The following KIAA1549 variants were observed in gnomAD, a reference collection of about 807,000 sequenced individuals.
KIAA1549 encodes the protein KIAA1549.
A neutral mutation model predicts 156.4 loss-of-function variants in KIAA1549; 70 were observed. The observed-to-expected ratio is 0.45, with a 90% CI of 0.37 to 0.55. The LOEUF is 0.55. KIAA1549 is among the 20% of genes least tolerant of loss of function. KIAA1549 has a pLI of 0.00. For missense variants in KIAA1549, 2,428 were observed against 2,540.9 expected (o/e 0.96, Z 0.96); for synonymous variants, 1,103 against 1,066.4 (o/e 1.03, Z -0.67).
chr7:138,937,039 G>T (rs1354116461), intron 1 of KIAA1549, among the ~76,000 whole-genome samples: 2 of 152,098 alleles, frequency 1.3e-5, no homozygotes, highest in Non-Finnish European at 2.9e-5. Context: ...ATCCTCCAGT[G>T]GCTCTTAAAA....
At chr7:138,887,058 C>T (rs1020441901) in intron 10 of KIAA1549, among the ~76,000 whole-genome samples, 1 of 151,962 alleles carries the variant, frequency 6.6e-6, no homozygotes, top group African/African-American at 2.4e-5. Flanking sequence ...TGCACCACCA[C>T]GTCTGGCTAA....
intron 1 of KIAA1549, among the ~76,000 whole-genome samples, chr7:138,974,094 A>G (rs1814302598): frequency 6.6e-6 from 1 of 152,270 alleles, no homozygotes; most frequent in Non-Finnish European, 1.5e-5. Context: ...GGATCTGAAC[A>G]GACATTTCTC....
intron 7 of KIAA1549, 148 bp from the exon 8 acceptor site, chr7:138,903,884 AAATT>A (rs1811933866): frequency 2.7e-6 from 2 of 735,712 alleles, no homozygotes; most frequent in African/African-American, 3.6e-5. Context: ...TATGTATTTG[AAATT>A]AATGCAAGAT....
At chr7:138,888,613 A>C (rs1321046887) in intron 10 of KIAA1549, among the ~76,000 whole-genome samples, 1 of 152,208 alleles carries the variant, frequency 6.6e-6, no homozygotes, top group Admixed American at 6.5e-5. Context: ...CTTTTGTTGT[A>C]AATTTCCACA....
chr7:138,909,390 T>C (rs764566666), intron 4 of KIAA1549, among the ~76,000 whole-genome samples: 4 of 152,136 alleles, frequency 2.6e-5, no homozygotes, highest in Non-Finnish European at 5.9e-5. Context: ...AAAGACACAA[T>C]GGATGGAAAC....
At chr7:138,959,972 T>C (rs1404702372) in intron 1 of KIAA1549, among the ~76,000 whole-genome samples, 3 of 152,102 alleles carry the variant, frequency 2.0e-5, no homozygotes, top group Non-Finnish European at 2.9e-5. Flanking sequence ...ACAAACAAGC[T>C]CTGAAATGTG....
At chr7:138,869,879 TCACTCTGTTGCCCAGGCTGGAGTG>T (rs1336835048) in intron 13 of KIAA1549, 118 bp from the exon 14 acceptor site, 1 of 766,124 alleles carries the variant, frequency 1.3e-6, no homozygotes, top group Non-Finnish European at 2.1e-6. Flanking sequence ...AGACAGAGTC[TCACTCTGTTGCCCAGGCTGGAGTG>T]CAATGGCATG....
chr7:138,899,999 T>A (rs1371718418), intron 8 of KIAA1549, among the ~76,000 whole-genome samples: 1 of 152,236 alleles, frequency 6.6e-6, no homozygotes, highest in Non-Finnish European at 1.5e-5. Context: ...TCTGAGCTTC[T>A]GTCCTGAGAA....
intron 1 of KIAA1549, among the ~76,000 whole-genome samples, chr7:138,962,130 G>C (rs1181170630): frequency 6.6e-6 from 1 of 151,842 alleles, no homozygotes; most frequent in Non-Finnish European, 1.5e-5. Context: ...TACTGGATAG[G>C]GTTATCAGGA....
chr7:138,896,812 G>A (rs1811696816), intron 9 of KIAA1549, among the ~76,000 whole-genome samples: 1 of 151,668 alleles, frequency 6.6e-6, no homozygotes, highest in South Asian at 2.1e-4. Flanking sequence ...TGTTTCCCAG[G>A]CTGGTCTTGA....
intron 1 of KIAA1549, among the ~76,000 whole-genome samples, chr7:138,975,977 A>C (rs1349419897): frequency 6.6e-6 from 1 of 152,244 alleles, no homozygotes; most frequent in East Asian, 1.9e-4. Context: ...AGGAGTGAGC[A>C]TTGAAAATGC....
chr7:138,902,971 G>A lies in KIAA1549; in HGVS notation c.3669+617C>T, dbSNP rs949783785. 2.6e-5 allele frequency among the ~76,000 whole-genome samples: 4 copies of A among 152,198 alleles called. No individual in the cohort carries two copies. The South Asian group carries it at 6.2e-4, about 24-fold the overall frequency. On this transcript the variant is annotated intron_variant, in intron 8 of 19. Coordinates refer to ENST00000422774, the MANE Select transcript of KIAA1549 (RefSeq NM_001164665.2). ...TTCTTTGGTTGGTTGAATTTTAGGTGATGTTCACTTTATTCTTTACACATT... is the reference window on the plus strand; with the variant it reads ...TTCTTTGGTTGGTTGAATTTTAGGTAATGTTCACTTTATTCTTTACACATT...
At position 138,881,492 on chromosome 7, in the gene KIAA1549, C is replaced by T. The variant is rs377023001; in HGVS notation, c.4125G>A (p.Ala1375=). The T allele has an allele frequency of 3.1e-5, 50 of 1,613,998 alleles. No homozygotes were observed. In the Admixed American group the frequency reaches 4.3e-4, roughly 14 times the overall value. The part of the protein sequence containing the change: ...KDDILIIHEP[A]PLPGPLKDHT... ...GGTCCTTCAGAGGTCCTGGCAGTGG[C>T]GCTGGCTCATGAATAATCAATATGT... The change falls in exon 11 of 20, where the codon GCG becomes GCA. Residue 1375 remains alanine, a synonymous_variant. Transcript: ENST00000422774.
chr7:138,941,148 C>T (rs916645279), intron 1 of KIAA1549, among the ~76,000 whole-genome samples: 16 of 152,060 alleles, frequency 1.1e-4, no homozygotes, highest in Admixed American at 6.5e-5. Context: ...AATTTGGGGT[C>T]TGGAACAATA....
intron 4 of KIAA1549, among the ~76,000 whole-genome samples, chr7:138,910,848 A>G (rs1267640590): frequency 6.6e-6 from 1 of 151,014 alleles, no homozygotes; most frequent in African/African-American, 2.4e-5. Context: ...GGTGTGAGCC[A>G]CCATACCTGG....
At chr7:138,844,232 C>G (rs773874765) in intron 18 of KIAA1549, 85 bp downstream of exon 18, 4 of 1,493,868 alleles carry the variant, frequency 2.7e-6, no homozygotes, top group Non-Finnish European at 3.7e-6. Context: ...CCTCTGCACA[C>G]TGACACTCTG....
intron 11 of KIAA1549, among the ~76,000 whole-genome samples, chr7:138,880,911 CAGG>C (rs1811223272): frequency 6.6e-6 from 1 of 152,144 alleles, no homozygotes; most frequent in Non-Finnish European, 1.5e-5. Context: ...AAAGCAAACG[CAGG>C]AGGATGTGAT....
intron 18 of KIAA1549, 83 bp downstream of exon 18, chr7:138,844,228 CACACTG>C: frequency 6.8e-7 from 1 of 1,460,594 alleles, no homozygotes; most frequent in South Asian, 1.2e-5. Flanking sequence ...GAGGCCTCTG[CACACTG>C]ACACTCTGAG....
Position 138,838,010 on chromosome 7 carries a change from C to G in KIAA1549, c.5749G>C (p.Asp1917His). 3.1e-6 allele frequency: 5 copies of G among 1,611,678 alleles called. No homozygotes were observed. The highest frequency in any genetic ancestry group is 1.1e-5 in the South Asian group (1 of 90,322). Residue 1917 changes from aspartate (D) to histidine (H), a missense_variant, in exon 20 of 20, where the codon GAC becomes CAC. Asp to His is a moderately conservative substitution (Grantham distance 81, BLOSUM62 -1). Transcript: ENST00000422774. The part of the protein sequence containing the change: ...GLGYPTSSTE[D>H]LQPGHSSASL... ...GCCGAGGAGTGGCCAGGCTGGAGGT[C>G]TTCCGTGGAGCTGGTGGGGTAACCC...
Sources: allele counts gnomAD v4.1 joint callset (sites outside exome capture counted in the v4.1 genomes callset), GRCh38; gene constraint gnomAD v4.1.1; transcripts MANE v1.5; gene names NCBI Gene and HGNC (gene_info 2026-07-23, HGNC 2026-07-21).